PRKCH: variants seen among roughly 807,000 people sequenced by gnomAD.
The protein encoded by PRKCH is protein kinase C eta type.
PRKCH carries 28 observed loss-of-function variants against 82.5 expected under a neutral mutation model. The ratio of observed to expected loss-of-function variants is 0.34; its 90% CI spans 0.25 to 0.47. The LOEUF is 0.47. Ranked by LOEUF, PRKCH falls within the 20% of genes least tolerant of loss-of-function variation. PRKCH has a pLI of 1.00. For synonymous variants in PRKCH, 322 were observed against 327.4 expected (o/e 0.98, Z 0.18); for missense variants, 705 against 881.8 (o/e 0.80, Z 2.54).
intron 1 of PRKCH, among the ~76,000 whole-genome samples, chr14:61,262,586 A>C (rs2045059196): frequency 6.6e-6 from 1 of 152,186 alleles, no homozygotes; most frequent in South Asian, 2.1e-4. Flanking sequence ...GGATGATGGG[A>C]ATAGTCTATA....
intron 1 of PRKCH, among the ~76,000 whole-genome samples, chr14:61,373,899 G>C (rs1047332544): frequency 1.3e-5 from 2 of 152,068 alleles, no homozygotes; most frequent in African/African-American, 4.8e-5. Context: ...CACCATGCTT[G>C]GCCTGTCCAC....
At chr14:61,266,768 T>G (rs2045105563) in intron 1 of PRKCH, among the ~76,000 whole-genome samples, 1 of 152,232 alleles carries the variant, frequency 6.6e-6, no homozygotes, top group Admixed American at 6.5e-5. Context: ...GTATATTTTA[T>G]GCTAATAGAG....
At chr14:61,385,218 T>C (rs777716382) in intron 1 of PRKCH, among the ~76,000 whole-genome samples, 2 of 151,376 alleles carry the variant, frequency 1.3e-5, no homozygotes, top group Middle Eastern at 3.2e-3. Flanking sequence ...CTCTGTTCTA[T>C]TAGACACTCT....
intron 1 of PRKCH, among the ~76,000 whole-genome samples, chr14:61,336,961 T>G (rs776005327): frequency 1.7e-4 from 25 of 149,610 alleles, no homozygotes; most frequent in Non-Finnish European, 3.5e-4. Flanking sequence ...TCCAGCTACT[T>G]GGGAGGCTGA....
rs1000209640 is a variant in PRKCH, at chr14:61,280,367, T to C, written c.-19+92699T>C. Reference sequence around the variant, plus strand: ...ATGCGCGCGTACAGTTTGCGGAACGTGGGCAGCGCCGCCGTGCGCATCCAC... The same window carrying C: ...ATGCGCGCGTACAGTTTGCGGAACGCGGGCAGCGCCGCCGTGCGCATCCAC... On this transcript the variant is annotated intron_variant, in intron 1 of 3. Coordinates refer to the PRKCH transcript ENST00000555185. The surrounding 1 kb of genome is among the most constrained non-coding windows in gnomAD (Gnocchi z 5.0). The C allele has an allele frequency of 3.1e-6, 5 of 1,613,950 alleles. No homozygotes were observed. Among genetic ancestry groups the C allele is most frequent in the African/African-American group, 1.3e-5 (1 of 75,050 alleles).
At chr14:61,233,880 G>A (rs949224250) in intron 1 of PRKCH, among the ~76,000 whole-genome samples, 2 of 151,952 alleles carry the variant, frequency 1.3e-5, no homozygotes, top group African/African-American at 2.4e-5. Context: ...TTTTTTAGCA[G>A]CATGAGAATG....
intron 1 of PRKCH, among the ~76,000 whole-genome samples, chr14:61,253,629 G>A (rs2044968624): frequency 6.6e-6 from 1 of 152,170 alleles, no homozygotes; most frequent in African/African-American, 2.4e-5. Context: ...TACACACTGT[G>A]TTTCAGGGGC....
upstream of PRKCH, among the ~76,000 whole-genome samples, chr14:61,321,224 C>G (rs187016289): frequency 9.0e-4 from 137 of 152,358 alleles, 1 homozygote; most frequent in African/African-American, 3.0e-3. This position sits in a 1 kb window ranked among gnomAD's most constrained non-coding sequence, Gnocchi z 4.1. Context: ...CACCAGCCCA[C>G]CGGGGAGGTT....
At chr14:61,273,338 A>T (rs1263729187) in intron 1 of PRKCH, among the ~76,000 whole-genome samples, 1 of 152,020 alleles carries the variant, frequency 6.6e-6, no homozygotes, top group Non-Finnish European at 1.5e-5. Flanking sequence ...GACAACTACT[A>T]CTCCATTTAT....
intron 1 of PRKCH, among the ~76,000 whole-genome samples, chr14:61,349,883 G>T (rs926515705): frequency 1.3e-5 from 2 of 151,888 alleles, no homozygotes; most frequent in African/African-American, 4.8e-5. Context: ...AAAAAGAAAT[G>T]CTGGTATGTC....
chr14:61,221,367 G>A (rs1468204229), intron 1 of PRKCH, among the ~76,000 whole-genome samples: 1 of 152,100 alleles, frequency 6.6e-6, no homozygotes, highest in Non-Finnish European at 1.5e-5. Flanking sequence ...TTGGATGGTG[G>A]ATATATCTAT....
At chr14:61,421,880 T>C (rs1406205634) in intron 2 of PRKCH, among the ~76,000 whole-genome samples, 2 of 152,180 alleles carry the variant, frequency 1.3e-5, no homozygotes, top group East Asian at 3.9e-4. Flanking sequence ...GCTTCTCCAG[T>C]AAGGCATCTC....
intron 1 of PRKCH, among the ~76,000 whole-genome samples, chr14:61,237,286 T>C (rs1773314357): frequency 1.3e-5 from 2 of 151,348 alleles, no homozygotes; most frequent in African/African-American, 4.9e-5. Flanking sequence ...CTAACTCTAG[T>C]ATAGCATCAC....
chr14:61,347,247 A>G (rs1445338642), intron 1 of PRKCH, among the ~76,000 whole-genome samples: 2 of 152,226 alleles, frequency 1.3e-5, no homozygotes, highest in Non-Finnish European at 1.5e-5. Context: ...TTTAAAATGC[A>G]ATTAATTTTT....
At chr14:61,372,777 T>C (rs1302905369) in intron 1 of PRKCH, among the ~76,000 whole-genome samples, 1 of 152,098 alleles carries the variant, frequency 6.6e-6, no homozygotes, top group Non-Finnish European at 1.5e-5. Flanking sequence ...CCAGGATCTC[T>C]TGATACCCTA....
At chr14:61,428,634 T>C (rs1883245561) in intron 2 of PRKCH, among the ~76,000 whole-genome samples, 1 of 152,190 alleles carries the variant, frequency 6.6e-6, no homozygotes, top group African/African-American at 2.4e-5. Flanking sequence ...TGGTTTGTTG[T>C]AGGACCTTAT....
chr14:61,205,926 T>C (rs1262017726), intron 1 of PRKCH, among the ~76,000 whole-genome samples: 1 of 152,164 alleles, frequency 6.6e-6, no homozygotes, highest in Non-Finnish European at 1.5e-5. Context: ...ATTTCTCCTT[T>C]TCCTCACATG....
chr14:61,450,412 T>C lies in PRKCH; in HGVS notation c.703-430T>C, dbSNP rs547966837. ...TTCCATGGCCTCTGAGTCTCTTCTT[T>C]TTATTTTTCTTCCCGTGACACAATG... On this transcript the variant is annotated intron_variant, in intron 5 of 13. Coordinates refer to ENST00000332981, the MANE Select transcript of PRKCH (RefSeq NM_006255.5). Among the ~76,000 whole-genome samples the C allele has an allele frequency of 4.6e-5, 7 of 152,344 alleles. No homozygotes were observed. The South Asian group carries it at 1.2e-3, about 27-fold the overall frequency.
chr14:61,432,039 A>G (rs1042129564), intron 2 of PRKCH, among the ~76,000 whole-genome samples: 1 of 144,152 alleles, frequency 6.9e-6, no homozygotes, highest in African/African-American at 2.6e-5. Context: ...TCCCACCTCT[A>G]TTGGTTTGGA....
Sources: gnomAD v4.1 joint callset for allele counts (sites outside exome capture counted in the v4.1 genomes callset) on GRCh38, gnomAD v4.1.1 for gene constraint, Gnocchi (gnomAD v3.1) non-coding constraint, MANE v1.5 for transcripts, NCBI Gene and HGNC (gene_info 2026-07-23, HGNC 2026-07-21) for gene names.